The following COLEC12 variants were observed in gnomAD, a reference collection of about 807,000 sequenced individuals.
COLEC12 encodes the protein collectin subfamily member 12, also known as collectin-12.
A neutral mutation model predicts 71.1 loss-of-function variants in COLEC12; 33 were observed. The ratio of observed to expected loss-of-function variants is 0.46; its 90% CI spans 0.35 to 0.62. The LOEUF (loss-of-function observed/expected upper bound fraction) is 0.62, where lower values mean the gene tolerates loss of function less well. Among genes scored for constraint, COLEC12 ranks in the 20% least tolerant of loss-of-function variants. The probability of loss-of-function intolerance (pLI) is 0.00; values close to 1 mark genes in which losing one functional copy is unlikely to be tolerated. For missense variants in COLEC12, 765 were observed against 916.1 expected, an observed-to-expected ratio of 0.84 and a Z score of 2.13; for synonymous variants, 350 against 353.0, an observed-to-expected ratio of 0.99 and a Z score of 0.10.
intron 2 of COLEC12, chr18:423,870 T>G (rs1269141649): frequency 6.6e-6 from 1 of 152,186 alleles, no homozygotes; most frequent in East Asian, 1.9e-4. Flanking sequence ...CAGTCTCTCC[T>G]TCCCAAAAGA....
intron 2 of COLEC12, among the ~76,000 whole-genome samples, chr18:373,317 T>C (rs989873731): frequency 3.9e-5 from 6 of 152,194 alleles, no homozygotes; most frequent in Non-Finnish European, 8.8e-5. Context: ...AGGGAACACC[T>C]TGCAACTTCT....
chr18:375,664 T>C (rs1027648433), intron 2 of COLEC12, among the ~76,000 whole-genome samples: 1 of 152,176 alleles, frequency 6.6e-6, no homozygotes, highest in African/African-American at 2.4e-5. Flanking sequence ...CACTTAGCTC[T>C]GTTTATTTTT....
chr18:479,814 C>T (rs1250649432), intron 2 of COLEC12, among the ~76,000 whole-genome samples: 3 of 145,884 alleles, frequency 2.1e-5, no homozygotes, highest in African/African-American at 7.4e-5. Flanking sequence ...AAAAGGTTAC[C>T]ACGAACGTGC....
chr18:463,459 A>G (rs1307265519), intron 2 of COLEC12, among the ~76,000 whole-genome samples: 2 of 152,190 alleles, frequency 1.3e-5, no homozygotes, highest in East Asian at 1.9e-4. Flanking sequence ...AACCACACAC[A>G]CACAGAGAGA....
intron 2 of COLEC12, among the ~76,000 whole-genome samples, chr18:439,389 G>T (rs1372803786): frequency 6.6e-6 from 1 of 151,938 alleles, no homozygotes; most frequent in Non-Finnish European, 1.5e-5. Context: ...GAGGTATCTA[G>T]GCCAGCAAGA....
At chr18:332,938 C>T in intron 7 of COLEC12, 69 bp downstream of exon 7, 1 of 1,362,764 alleles carries the variant, frequency 7.3e-7, no homozygotes, top group Non-Finnish European at 9.9e-7. Context: ...CCCCAACAAG[C>T]CTGCAATTTC....
Position 436,536 on chromosome 18 carries a change from GGGGA to G in COLEC12, c.58+44167_58+44170del, listed in dbSNP as rs1256637779. Among the ~76,000 whole-genome samples the G allele has an allele frequency of 2.5e-3, 345 of 137,454 alleles. 6 individuals carry two copies. Among genetic ancestry groups the G allele is most frequent in the Non-Finnish European group, 4.6e-3 (290 of 63,480 alleles). The allele number at this position is 137,454 out of a possible 152,430, so 90.2% of individuals were successfully genotyped here. On this transcript the variant is annotated intron_variant, in intron 2 of 9. Coordinates refer to ENST00000400256, the MANE Select transcript of COLEC12 (RefSeq NM_130386.3). ...ATCTCAAAAAAAAAAGGGGGGGGGG[GGGGA>G]AACAGGGGTGGCTTTCTGGAATTTA...
In COLEC12 at chr18:346,500, G is replaced by C; in HGVS notation, c.1122C>G (p.Thr374=). Residue 374 remains threonine, a synonymous_variant, in exon 5 of 10, where the codon ACC becomes ACG. Coordinates refer to ENST00000400256, the MANE Select transcript of COLEC12 (RefSeq NM_130386.3). The surrounding 1 kb of genome is among the most constrained non-coding windows in gnomAD (Gnocchi z 4.0). The part of the protein sequence containing the change: ...LNEVRTTCTD[T]LTKHTDDLTS... ...TCAGATCATCTGTGTGTTTGGTAAG[G>C]GTATCTGTGCAAGTGGTCCTGACTT... The C allele has an allele frequency of 6.2e-6, 10 of 1,614,146 alleles. No individual in the cohort carries two copies. Among genetic ancestry groups the C allele is most frequent in the Non-Finnish European group, 8.5e-6 (10 of 1,179,996 alleles).
chr18:432,772 C>T (rs1916330080), intron 2 of COLEC12, among the ~76,000 whole-genome samples: 2 of 152,192 alleles, frequency 1.3e-5, no homozygotes, highest in African/African-American at 4.8e-5. Flanking sequence ...TGCACCCCTT[C>T]ACAAAATCTC....
In COLEC12 at chr18:348,078, G is replaced by A. The variant is rs1298250021; in HGVS notation, c.267C>T (p.Asp89=). Residue 89 remains aspartate, a synonymous_variant, in exon 4 of 10, where the codon GAC becomes GAT. Coordinates refer to ENST00000400256, the MANE Select transcript of COLEC12 (RefSeq NM_130386.3). ...YDDKLTAVES[D]LKKLGDQTGK... Reference sequence around the variant, plus strand: ...GTCACAGATTACCTAATTTTTTCAGGTCACTTTCCACTGCTGTGAGCTTGT... The same window carrying A: ...GTCACAGATTACCTAATTTTTTCAGATCACTTTCCACTGCTGTGAGCTTGT... 1 of 1,611,958 alleles carries A rather than the reference G, an allele frequency of 6.2e-7. No homozygotes were observed. Among genetic ancestry groups the A allele is most frequent in the African/African-American group, 1.3e-5 (1 of 74,832 alleles).
intron 2 of COLEC12, among the ~76,000 whole-genome samples, chr18:417,032 A>G (rs1313519868): frequency 8.4e-6 from 1 of 118,726 alleles, no homozygotes. Flanking sequence ...ATACACACAC[A>G]TGCACCCAGA....
intron 3 of COLEC12, among the ~76,000 whole-genome samples, chr18:354,697 A>G (rs1218846991): frequency 6.6e-6 from 1 of 152,210 alleles, no homozygotes; most frequent in Non-Finnish European, 1.5e-5. Flanking sequence ...TCTGGAAAAT[A>G]TCAACATTTT....
At chr18:382,874 A>C (rs533680368) in intron 2 of COLEC12, among the ~76,000 whole-genome samples, 71 of 152,344 alleles carry the variant, frequency 4.7e-4, no homozygotes, top group African/African-American at 1.6e-3. Context: ...CCATGTATAC[A>C]TTGTGTAATG....
At chr18:389,676 T>C (rs1052622649) in intron 2 of COLEC12, among the ~76,000 whole-genome samples, 1 of 152,144 alleles carries the variant, frequency 6.6e-6, no homozygotes, top group Non-Finnish European at 1.5e-5. Flanking sequence ...TTTGGACTTC[T>C]TAAATCCAGC....
intron 2 of COLEC12, among the ~76,000 whole-genome samples, chr18:456,454 C>T (rs1008833816): frequency 6.6e-5 from 10 of 152,116 alleles, no homozygotes; most frequent in Non-Finnish European, 1.5e-4. Context: ...AGGGAAAGGC[C>T]GCCCAGAAAC....
intron 1 of COLEC12, among the ~76,000 whole-genome samples, chr18:489,317 A>G (rs1917577767): frequency 6.6e-6 from 1 of 152,214 alleles, no homozygotes; most frequent in South Asian, 2.1e-4. Flanking sequence ...AGACCTTTGC[A>G]GACCAGCAGA....
chr18:352,897 G>A (rs1056950692), intron 3 of COLEC12, among the ~76,000 whole-genome samples: 1 of 152,154 alleles, frequency 6.6e-6, no homozygotes, highest in African/African-American at 2.4e-5. Context: ...AAATGAGCAG[G>A]ATACACAGAA....
Position 318,201 on chromosome 18 carries a change from CG to C in COLEC12, c.*1843del, listed in dbSNP as rs1371489440. ...TTCACCGTGTTAGCCAGGATGGTCT[CG>C]ATCTCCTGACCTTGTGATCCGTCCG... On this transcript the variant is annotated 3_prime_UTR_variant, in exon 10 of 10. Coordinates refer to ENST00000400256, the MANE Select transcript of COLEC12 (RefSeq NM_130386.3). 6.6e-6 allele frequency: 1 copy of C among 151,824 alleles called. No individual in the cohort carries two copies. Among genetic ancestry groups the C allele is most frequent in the African/African-American group, 2.4e-5 (1 of 41,298 alleles). 9.4% of individuals were successfully genotyped at this position (151,824 alleles called of 1,614,324 possible). A position where few individuals can be genotyped will look rare whatever the true frequency, so the allele number is the denominator to read the frequency against.
chr18:455,288 T>C (rs1196962842), intron 2 of COLEC12, among the ~76,000 whole-genome samples: 1 of 150,286 alleles, frequency 6.7e-6, no homozygotes, highest in Non-Finnish European at 1.5e-5. Flanking sequence ...CTTTTTTTTT[T>C]TTTTTTTGAG....
Sources: gnomAD v4.1 joint callset for allele counts (sites outside exome capture counted in the v4.1 genomes callset) on GRCh38, gnomAD v4.1.1 for gene constraint, Gnocchi (gnomAD v3.1) non-coding constraint, MANE v1.5 for transcripts, NCBI Gene and HGNC (gene_info 2026-07-23, HGNC 2026-07-21) for gene names.